Variants in TSC22D1 observed in about 807,000 individuals in gnomAD.
The protein encoded by TSC22D1 is TSC22 domain family member 1.
A neutral mutation model predicts 74.2 loss-of-function variants in TSC22D1; 9 were observed. That is an observed-to-expected ratio of 0.12 (90% CI 0.07 to 0.21). The LOEUF is 0.21. Among genes scored for constraint, TSC22D1 ranks in the 10% least tolerant of loss-of-function variants. The pLI is 1.00. For synonymous variants in TSC22D1, 586 were observed against 492.5 expected (o/e 1.19, Z -2.51); for missense variants, 1,427 against 1,304.7 (o/e 1.09, Z -1.44).
Position 44,434,785 on chromosome 13 carries a change from C to T in TSC22D1, c.3063G>A (p.Glu1021=), listed in dbSNP as rs750548111. Reference sequence around the variant, plus strand: ...GTGTCTTCAGCAGATTGTTCTCCTGCTCCAGCTGGGAATTTTTCTCTATTA... The same window carrying T: ...GTGTCTTCAGCAGATTGTTCTCCTGTTCCAGCTGGGAATTTTTCTCTATTA... ...KELIEKNSQL[E]QENNLLKTLA... is the part of the protein sequence containing the mutation. The change falls in exon 3 of 3, where the codon GAG becomes GAA. Residue 1021 remains glutamate (E), a synonymous_variant. Coordinates refer to ENST00000458659, the MANE Select transcript of TSC22D1 (RefSeq NM_183422.4). The T allele has an allele frequency of 1.8e-5, 29 of 1,613,978 alleles. No homozygotes were observed. The highest frequency in any genetic ancestry group is 2.5e-5 in the Non-Finnish European group (29 of 1,180,044).
chr13:44,464,936 T>C (rs1040652108), intron 1 of TSC22D1, among the ~76,000 whole-genome samples: 9 of 150,350 alleles, frequency 6.0e-5, no homozygotes, highest in Admixed American at 3.3e-4. Flanking sequence ...CACTCTTCTT[T>C]GTGTATTTTT....
intron 1 of TSC22D1, among the ~76,000 whole-genome samples, chr13:44,497,963 C>T (rs1345384264): frequency 1.3e-5 from 2 of 152,056 alleles, no homozygotes; most frequent in African/African-American, 2.4e-5. Context: ...AAGGCCATTC[C>T]TATTCTAGCC....
chr13:44,535,618 CA>C (rs542305138), intron 1 of TSC22D1, among the ~76,000 whole-genome samples: 1 of 144,208 alleles, frequency 6.9e-6, no homozygotes, highest in African/African-American at 2.7e-5. Flanking sequence ...ACAGAAGCTA[CA>C]AAAAACAAAC....
Position 44,455,718 on chromosome 13 carries a change from G to A in TSC22D1, c.2913-19623C>T, listed in dbSNP as rs145547475. ...TTTCAAGAAGCCATGAGAATTAATC[G>A]CATAGGGAATCTATTACAGAGCCTT... is the stretch of plus-strand genomic sequence containing the variant. On this transcript the variant is annotated intron_variant, in intron 1 of 2. Transcript: ENST00000458659. 3.4e-4 allele frequency among the ~76,000 whole-genome samples: 51 copies of A among 152,192 alleles called. 1 individual carries two copies. The South Asian group carries it at 8.5e-3, about 25-fold the overall frequency.
intron 1 of TSC22D1, among the ~76,000 whole-genome samples, chr13:44,468,160 T>C (rs1480538677): frequency 1.3e-5 from 2 of 152,044 alleles, no homozygotes; most frequent in Non-Finnish European, 2.9e-5. Context: ...CCTATAAACA[T>C]GAGCTAAGCC....
intron 1 of TSC22D1, chr13:44,540,099 T>A: frequency 2.6e-6 from 1 of 390,730 alleles, no homozygotes; most frequent in Non-Finnish European, 4.8e-6. Context: ...CACAAATGAT[T>A]AATTCCTCAG....
intron 1 of TSC22D1, among the ~76,000 whole-genome samples, chr13:44,468,653 C>T (rs974286030): frequency 1.3e-5 from 2 of 149,690 alleles, no homozygotes; most frequent in African/African-American, 2.4e-5. Flanking sequence ...ATTTGGGAAC[C>T]GCTATACTAT....
At chr13:44,543,230 T>C (rs576475417) in intron 1 of TSC22D1, among the ~76,000 whole-genome samples, 1 of 152,312 alleles carries the variant, frequency 6.6e-6, no homozygotes, top group South Asian at 2.1e-4. Flanking sequence ...ATATTTGTTC[T>C]CAATATTAAA....
chr13:44,506,816 C>G (rs574301944), intron 1 of TSC22D1, among the ~76,000 whole-genome samples: 5 of 152,026 alleles, frequency 3.3e-5, no homozygotes, highest in Admixed American at 1.3e-4. Context: ...GTCATACAGC[C>G]TGGACTACAG....
intron 1 of TSC22D1, among the ~76,000 whole-genome samples, chr13:44,514,553 AC>A (rs1369555023): frequency 2.6e-5 from 4 of 152,008 alleles, no homozygotes; most frequent in African/African-American, 7.2e-5. Context: ...ATACGGAAAC[AC>A]AAATATTTAT....
intron 1 of TSC22D1, among the ~76,000 whole-genome samples, chr13:44,456,992 C>A (rs1342245987): frequency 6.6e-6 from 1 of 152,224 alleles, no homozygotes; most frequent in Non-Finnish European, 1.5e-5. Flanking sequence ...ACAGATCAGG[C>A]TTTTTAAAAT....
intron 1 of TSC22D1, among the ~76,000 whole-genome samples, chr13:44,514,048 A>T (rs1051737117): frequency 1.3e-5 from 2 of 152,206 alleles, no homozygotes; most frequent in Non-Finnish European, 2.9e-5. Context: ...TACCTTTTCT[A>T]TTACTCATTT....
chr13:44,439,741 A>T (rs1442946636), intron 1 of TSC22D1, among the ~76,000 whole-genome samples: 1 of 152,242 alleles, frequency 6.6e-6, no homozygotes, highest in African/African-American at 2.4e-5. Context: ...TTGTCTGCCT[A>T]AAAGCCTTTT....
chr13:44,494,359 G>C (rs1052879054), intron 1 of TSC22D1, among the ~76,000 whole-genome samples: 1 of 101,910 alleles, frequency 9.8e-6, no homozygotes, highest in Non-Finnish European at 1.8e-5. Flanking sequence ...CTGGGTGACA[G>C]ACCAAGACTC....
At chr13:44,537,309 A>G (rs1566159934) in intron 1 of TSC22D1, 1 of 980,882 alleles carries the variant, frequency 1.0e-6, no homozygotes, top group Non-Finnish European at 1.2e-6. Flanking sequence ...AGTTCACAAT[A>G]ATATACAAAA....
intron 1 of TSC22D1, among the ~76,000 whole-genome samples, chr13:44,504,601 CAAAAAA>C (rs10577341): frequency 4.1e-5 from 4 of 97,554 alleles, no homozygotes; most frequent in Admixed American, 1.1e-4. Context: ...GAGACTGTCT[CAAAAAA>C]AAAAAAAAAA....
chr13:44,469,131 T>A (rs550337996), intron 1 of TSC22D1, among the ~76,000 whole-genome samples: 1 of 152,304 alleles, frequency 6.6e-6, no homozygotes, highest in South Asian at 2.1e-4. Flanking sequence ...TTCCTGCCTG[T>A]CACCCATGCA....
chr13:44,434,993 C>A, intron 2 of TSC22D1, 110 bp from the exon 3 acceptor site: 1 of 963,390 alleles, frequency 1.0e-6, no homozygotes, highest in Non-Finnish European at 1.6e-6. Context: ...ACATATTCCA[C>A]CTTTAAAGTT....
intron 1 of TSC22D1, among the ~76,000 whole-genome samples, chr13:44,548,260 T>C (rs1430750988): frequency 6.6e-6 from 1 of 152,226 alleles, no homozygotes; most frequent in Admixed American, 6.5e-5. Context: ...CGCATGCCTG[T>C]AATCCCAGCA....
Sources: gnomAD v4.1 joint callset for allele counts (sites outside exome capture counted in the v4.1 genomes callset) on GRCh38, gnomAD v4.1.1 for gene constraint, MANE v1.5 for transcripts, NCBI Gene and HGNC (gene_info 2026-07-23, HGNC 2026-07-21) for gene names.